Variants in XKR4 observed in about 807,000 individuals in gnomAD.
The protein encoded by XKR4 is XK related 4.
XKR4 carries 12 observed loss-of-function variants against 53.9 expected under a neutral mutation model. The ratio of observed to expected loss-of-function variants is 0.22; its 90% CI spans 0.14 to 0.36. XKR4 has a LOEUF of 0.36. Ranked by LOEUF, XKR4 falls within the 10% of genes least tolerant of loss-of-function variation. XKR4 has a pLI of 1.00. For missense variants in XKR4, 799 were observed against 859.5 expected, an observed-to-expected ratio of 0.93 and a Z score of 0.88; for synonymous variants, 354 against 362.4, an observed-to-expected ratio of 0.98 and a Z score of 0.26.
chr8:55,230,292 T>C lies in XKR4; in HGVS notation c.806+126998T>C, dbSNP rs577583978. ...AAAAAACTAGGGAGGGGAATCACTT[T>C]TATTTCTCCTACTACAGACATGTTT... On this transcript the variant is annotated intron_variant, in intron 1 of 2. Transcript: ENST00000327381. Among the ~76,000 whole-genome samples, 6 of 152,154 alleles carry C rather than the reference T, an allele frequency of 3.9e-5. 1 individual carries two copies. Among genetic ancestry groups the C allele is most frequent in the African/African-American group, 1.2e-4 (5 of 41,558 alleles).
chr8:55,396,592 T>C (rs1365902955), intron 2 of XKR4, among the ~76,000 whole-genome samples: 4 of 152,068 alleles, frequency 2.6e-5, no homozygotes, highest in African/African-American at 7.2e-5. Flanking sequence ...TTCACAGTCA[T>C]AGTTAGAGCC....
intron 2 of XKR4, among the ~76,000 whole-genome samples, chr8:55,458,963 G>A (rs953073624): frequency 3.0e-4 from 45 of 152,114 alleles, no homozygotes; most frequent in African/African-American, 9.9e-4. Context: ...CCTCACCAGC[G>A]ACCCCACCCT....
intron 1 of XKR4, among the ~76,000 whole-genome samples, chr8:55,292,681 A>G (rs1263817794): frequency 6.6e-6 from 1 of 152,064 alleles, no homozygotes; most frequent in Admixed American, 6.5e-5. Flanking sequence ...ACTTGCTTTG[A>G]ATTCATTTAC....
At chr8:55,258,719 C>T (rs765181259) in intron 1 of XKR4, among the ~76,000 whole-genome samples, 2 of 152,060 alleles carry the variant, frequency 1.3e-5, no homozygotes, top group Non-Finnish European at 2.9e-5. Context: ...TGCTAATGAT[C>T]ATTTGTATTG....
chr8:55,389,518 T>C (rs949584317), intron 2 of XKR4, among the ~76,000 whole-genome samples: 6 of 152,158 alleles, frequency 3.9e-5, no homozygotes, highest in African/African-American at 1.4e-4. Flanking sequence ...CAGAAAATGA[T>C]TGGAAGAAGT....
chr8:55,119,697 G>T (rs1365897764), intron 1 of XKR4, among the ~76,000 whole-genome samples: 1 of 152,182 alleles, frequency 6.6e-6, no homozygotes, highest in Non-Finnish European at 1.5e-5. Context: ...GAAAGTACTG[G>T]AGAAAGAAGT....
chr8:55,300,302 A>G (rs1055568131), intron 1 of XKR4, among the ~76,000 whole-genome samples: 11 of 152,188 alleles, frequency 7.2e-5, no homozygotes, highest in African/African-American at 2.7e-4. Flanking sequence ...CATGGGTTAA[A>G]TGACAGATGC....
chr8:55,135,510 A>T (rs1816613451), intron 1 of XKR4: 2 of 437,276 alleles, frequency 4.6e-6, no homozygotes, highest in African/African-American at 4.0e-5. Context: ...TCCATCTGTA[A>T]TGTTAACTCT....
chr8:55,450,908 G>A (rs1805429863), intron 2 of XKR4: 4 of 480,838 alleles, frequency 8.3e-6, no homozygotes, highest in South Asian at 5.9e-5. Flanking sequence ...GCAGCTTGTG[G>A]ATCTGAATCA....
chr8:55,244,184 C>T (rs569744441), intron 1 of XKR4, among the ~76,000 whole-genome samples: 1 of 152,260 alleles, frequency 6.6e-6, no homozygotes, highest in African/African-American at 2.4e-5. Context: ...AGCTTAGTAA[C>T]AGATAAGTAG....
At chr8:55,348,462 C>T (rs1034473785) in intron 1 of XKR4, among the ~76,000 whole-genome samples, 1 of 152,158 alleles carries the variant, frequency 6.6e-6, no homozygotes, top group African/African-American at 2.4e-5. Context: ...ATACAATCAG[C>T]ACAGTTTCCA....
intron 2 of XKR4, among the ~76,000 whole-genome samples, chr8:55,502,537 A>C (rs1235801325): frequency 1.3e-5 from 2 of 152,162 alleles, no homozygotes; most frequent in Non-Finnish European, 2.9e-5. Flanking sequence ...TCTTTGAAGA[A>C]ATATCTGTTC....
chr8:55,435,984 C>G (rs1195097068), intron 2 of XKR4, among the ~76,000 whole-genome samples: 1 of 152,166 alleles, frequency 6.6e-6, no homozygotes, highest in African/African-American at 2.4e-5. Flanking sequence ...GCACAGTGAG[C>G]TGCCCCAAAC....
At chr8:55,183,682 A>G (rs542205298) in intron 1 of XKR4, among the ~76,000 whole-genome samples, 26 of 152,292 alleles carry the variant, frequency 1.7e-4, no homozygotes, top group African/African-American at 6.3e-4. Flanking sequence ...GAATGGTCCC[A>G]GTGCACTTGA....
chr8:55,133,216 A>C (rs1816582835), intron 1 of XKR4, among the ~76,000 whole-genome samples: 1 of 152,286 alleles, frequency 6.6e-6, no homozygotes, highest in South Asian at 2.1e-4. Context: ...TGGAATACAC[A>C]AGAAATTTTT....
chr8:55,527,397 ACT>A lies in XKR4; in HGVS notation c.*3171_*3172del, dbSNP rs1806894143. ...TTAAGAGGGAGATCTGCTCTTACTC[ACT>A]TTTTGCATAGGATCAGGAAATTTTC... is the stretch of plus-strand genomic sequence containing the variant. On this transcript the variant is annotated 3_prime_UTR_variant, in exon 3 of 3. Transcript: ENST00000327381. The A allele has an allele frequency of 6.6e-6, 1 of 152,032 alleles. No individual in the cohort carries two copies. Among genetic ancestry groups the A allele is most frequent in the African/African-American group, 2.4e-5 (1 of 41,398 alleles). 9.4% of individuals were successfully genotyped at this position (152,032 alleles called of 1,614,324 possible).
intron 1 of XKR4, among the ~76,000 whole-genome samples, chr8:55,281,931 G>A (rs1818849259): frequency 6.6e-6 from 1 of 152,190 alleles, no homozygotes; most frequent in African/African-American, 2.4e-5. Context: ...CAAAGTAACT[G>A]TAGGACTCAC....
At chr8:55,137,239 G>A (rs995803531) in intron 1 of XKR4, among the ~76,000 whole-genome samples, 15 of 151,994 alleles carry the variant, frequency 9.9e-5, no homozygotes, top group African/African-American at 3.6e-4. Context: ...AGGGATGTGA[G>A]TAGAGAGAGG....
At chr8:55,322,250 G>A (rs903652299) in intron 1 of XKR4, among the ~76,000 whole-genome samples, 2 of 152,106 alleles carry the variant, frequency 1.3e-5, no homozygotes, top group Non-Finnish European at 2.9e-5. Flanking sequence ...TTTTTCACTC[G>A]AGTATGTTTC....
Sources: allele counts gnomAD v4.1 joint callset (sites outside exome capture counted in the v4.1 genomes callset), GRCh38; gene constraint gnomAD v4.1.1; transcripts MANE v1.5; gene names NCBI Gene and HGNC (gene_info 2026-07-23, HGNC 2026-07-21).